ZYG11A: variants seen among roughly 807,000 people sequenced by gnomAD.
ZYG11A encodes protein zyg-11 homolog A.
Under a neutral mutation model 77.2 loss-of-function variants are expected in ZYG11A, and 62 were observed. The observed-to-expected ratio is 0.80, with a 90% CI of 0.65 to 0.99. The LOEUF (loss-of-function observed/expected upper bound fraction) is 0.99, where lower values mean the gene tolerates loss of function less well. Ranked by LOEUF, ZYG11A falls within the 50% of genes least tolerant of loss-of-function variation. ZYG11A has a pLI of 0.00. For missense variants in ZYG11A, 828 were observed against 896.8 expected (o/e 0.92, Z 0.98); for synonymous variants, 315 against 324.6 (o/e 0.97, Z 0.32).
chr1:52,877,427 A>G (rs1646280806), intron 8 of ZYG11A, among the ~76,000 whole-genome samples: 1 of 152,224 alleles, frequency 6.6e-6, no homozygotes. Context: ...ATAGCTAATA[A>G]TGTACTTGAT....
In ZYG11A at chr1:52,854,642, G is replaced by A. The variant is rs915175846; in HGVS notation, c.256+12G>A. ...GATGACTTGGCAAGGTAGTGATAAG[G>A]CTTCTCTAAAGTCAGCTCTTGCAGT... On this transcript the variant is annotated intron_variant, in intron 2 of 13. Coordinates refer to ENST00000371528, the MANE Select transcript of ZYG11A (RefSeq NM_001004339.3). 6 of 1,508,964 alleles carry A rather than the reference G, an allele frequency of 4.0e-6. No homozygotes were observed. The African/African-American group carries it at 6.9e-5, about 17-fold the overall frequency. 93.5% of individuals were successfully genotyped at this position (1,508,964 alleles called of 1,614,324 possible).
chr1:52,870,723 T>C (rs894251859), intron 8 of ZYG11A, among the ~76,000 whole-genome samples: 3 of 152,110 alleles, frequency 2.0e-5, no homozygotes, highest in African/African-American at 7.2e-5. Context: ...CAGTCAGGCG[T>C]GACGGCGCGC....
intron 12 of ZYG11A, 30 bp downstream of exon 12, chr1:52,885,924 T>C: frequency 1.4e-6 from 2 of 1,469,570 alleles, no homozygotes; most frequent in Non-Finnish European, 9.1e-7. Context: ...CTTTTCTTCT[T>C]TTTTTTTTCT....
At chr1:52,852,816 C>T (rs1187015906) in intron 1 of ZYG11A, among the ~76,000 whole-genome samples, 2 of 152,132 alleles carry the variant, frequency 1.3e-5, no homozygotes, top group African/African-American at 2.4e-5. Context: ...TAAATGTGCT[C>T]AGAACTCTTA....
At chr1:52,847,865 TTTATTTATTTATTTA>T in intron 1 of ZYG11A, among the ~76,000 whole-genome samples, 1 of 102,014 alleles carries the variant, frequency 9.8e-6, no homozygotes, top group African/African-American at 3.1e-5. Flanking sequence ...TATTTATTTA[TTTATTTATTTATTTA>T]TTTTTTTGAG....
At chr1:52,885,641 T>C (rs571632341) in intron 11 of ZYG11A, among the ~76,000 whole-genome samples, 192 bp from the exon 12 acceptor site, 19 of 151,944 alleles carry the variant, frequency 1.3e-4, no homozygotes, top group African/African-American at 4.3e-4. Flanking sequence ...CCAGCATCTT[T>C]AAACAGATGC....
intron 5 of ZYG11A, among the ~76,000 whole-genome samples, chr1:52,864,787 G>T (rs1645994439): frequency 6.6e-6 from 1 of 151,390 alleles, no homozygotes; most frequent in Non-Finnish European, 1.5e-5. Context: ...TTAGACTACA[G>T]GCGCTCGCCA....
chr1:52,867,958 C>CT (rs1050261180), intron 8 of ZYG11A, among the ~76,000 whole-genome samples, 181 bp downstream of exon 8: 3,630 of 98,072 alleles, frequency 0.037, 927 homozygotes, highest in East Asian at 0.2. Flanking sequence ...CTCCACATTT[C>CT]TTTTTTTTTT....
intron 3 of ZYG11A, among the ~76,000 whole-genome samples, chr1:52,859,298 C>T (rs1418638064): frequency 6.6e-6 from 1 of 151,436 alleles, no homozygotes; most frequent in African/African-American, 2.4e-5. Context: ...TGTTGAAAAT[C>T]GGGTGTCCGT....
chr1:52,890,979 A>C (rs749092420), intron 13 of ZYG11A, among the ~76,000 whole-genome samples: 1 of 151,610 alleles, frequency 6.6e-6, no homozygotes, highest in African/African-American at 2.4e-5. Flanking sequence ...GCTCACTGCA[A>C]CCTCTGCCTC....
chr1:52,860,939 C>T, intron 4 of ZYG11A, 68 bp downstream of exon 4: 1 of 1,392,054 alleles, frequency 7.2e-7, no homozygotes, highest in Non-Finnish European at 9.9e-7. Context: ...GTTCACGAAC[C>T]ACACTGAATA....
Position 52,854,579 on chromosome 1 carries a change from A to C in ZYG11A, c.205A>C (p.Ser69Arg). The C allele has an allele frequency of 2.6e-6, 4 of 1,549,318 alleles. No individual in the cohort carries two copies. The South Asian group carries it at 3.6e-5, about 14-fold the overall frequency. Residue 69 changes from serine (S) to arginine (R), a missense_variant, in exon 2 of 14, where the codon AGT (serine) becomes CGT (arginine). Coordinates refer to ENST00000371528, the MANE Select transcript of ZYG11A (RefSeq NM_001004339.3). ...DGTLCLPEHW[S>R]FPQEVAERFL... ...AACACTGTGCCTTCCGGAGCATTGG[A>C]GTTTCCCTCAGGAAGTAGCCGAGCG...
intron 12 of ZYG11A, 71 bp downstream of exon 12, chr1:52,885,965 C>A: frequency 8.0e-7 from 1 of 1,243,668 alleles, no homozygotes; most frequent in Non-Finnish European, 1.1e-6. Flanking sequence ...CAGAGTCTTG[C>A]TCAGTCGCCC....
intron 4 of ZYG11A, among the ~76,000 whole-genome samples, chr1:52,862,215 CA>C (rs150477301): frequency 0.027 from 4,008 of 147,324 alleles, 141 homozygotes; most frequent in East Asian, 0.18. Context: ...TCTCAAAAAA[CA>C]AAAAAAAAGT....
chr1:52,849,825 G>A (rs998022135), intron 1 of ZYG11A, among the ~76,000 whole-genome samples: 1 of 151,464 alleles, frequency 6.6e-6, no homozygotes. Flanking sequence ...TGGGACTACA[G>A]GCACCGGCCA....
chr1:52,867,950 C>T (rs1646057148), intron 8 of ZYG11A, among the ~76,000 whole-genome samples, 173 bp downstream of exon 8: 2 of 149,764 alleles, frequency 1.3e-5, no homozygotes, highest in Admixed American at 1.3e-4. Context: ...GTATGTACCT[C>T]CACATTTCTT....
intron 1 of ZYG11A, among the ~76,000 whole-genome samples, chr1:52,851,891 GCAC>G (rs918924496): frequency 2.0e-5 from 3 of 150,422 alleles, no homozygotes; most frequent in African/African-American, 4.9e-5. Flanking sequence ...GGGATTACAG[GCAC>G]CCGCCACCAT....
In ZYG11A at chr1:52,842,985, G is replaced by C. The variant is rs1412340107; in HGVS notation, c.90+12G>C. ...GCTGCGTGGTACAGGTGAGCACCGG[G>C]GTGCGGGCGGCGACGCGGACCTCGG... On this transcript the variant is annotated intron_variant, in intron 1 of 13. Coordinates refer to ENST00000371528, the MANE Select transcript of ZYG11A (RefSeq NM_001004339.3). The C allele has an allele frequency of 6.6e-7, 1 of 1,508,710 alleles. No individual in the cohort carries two copies. Among genetic ancestry groups the C allele is most frequent in the African/African-American group, 1.5e-5 (1 of 68,812 alleles). The allele number at this position is 1,508,710 out of a possible 1,614,324, so 93.5% of individuals were successfully genotyped here. A position where few individuals can be genotyped will look rare whatever the true frequency, so the allele number is the denominator to read the frequency against.
rs566249253 is a variant in ZYG11A at position 52,853,157 on chromosome 1, C to T, written c.91-1308C>T. Among the ~76,000 whole-genome samples, 11 of 152,334 alleles carry T rather than the reference C, an allele frequency of 7.2e-5. 1 individual carries two copies. In the South Asian group the frequency reaches 1.5e-3, roughly 20 times the overall value. On this transcript the variant is annotated intron_variant, in intron 1 of 13. Coordinates refer to ENST00000371528, the MANE Select transcript of ZYG11A (RefSeq NM_001004339.3). Reference sequence around the variant, plus strand: ...GTTGTTTACCCTTGTGATCGTGTGGCTGACTGGGAGCTGCAGCTCACTCTG... The same window carrying T: ...GTTGTTTACCCTTGTGATCGTGTGGTTGACTGGGAGCTGCAGCTCACTCTG...
Sources: allele counts gnomAD v4.1 joint callset (sites outside exome capture counted in the v4.1 genomes callset), GRCh38; gene constraint gnomAD v4.1.1; transcripts MANE v1.5; gene names NCBI Gene and HGNC (gene_info 2026-07-23, HGNC 2026-07-21).